The following GPLD1 variants were observed in gnomAD, a reference collection of about 807,000 sequenced individuals.
GPLD1 encodes the protein glycosylphosphatidylinositol specific phospholipase D1.
GPLD1 carries 84 observed loss-of-function variants against 112.6 expected under a neutral mutation model. The observed-to-expected ratio is 0.75, with a 90% CI of 0.63 to 0.89. The LOEUF (loss-of-function observed/expected upper bound fraction) is 0.89. Ranked by LOEUF, GPLD1 falls within the 40% of genes least tolerant of loss-of-function variation. The pLI, the probability that GPLD1 is intolerant of heterozygous loss-of-function variation, is 0.00. For synonymous variants in GPLD1, 386 were observed against 403.8 expected (o/e 0.96, Z 0.53); for missense variants, 1,044 against 1,051.5 (o/e 0.99, Z 0.10).
intron 14 of GPLD1, among the ~76,000 whole-genome samples, chr6:24,452,169 G>T (rs1386687662): frequency 1.3e-5 from 2 of 152,172 alleles, no homozygotes; most frequent in Non-Finnish European, 2.9e-5. Context: ...TCACCCAAGT[G>T]GTCTTTGAGA....
chr6:24,446,400 A>G lies in GPLD1; in HGVS notation c.1820+438T>C, dbSNP rs1201059559. ...GCACACACGACTTGTAGTCCCAGCT[A>G]TTCAGGAGGCCGAGGCAGGAGGACG... On this transcript the variant is annotated intron_variant, in intron 18 of 24. Transcript: ENST00000230036. Among the ~76,000 whole-genome samples the G allele has an allele frequency of 1.3e-5, 2 of 151,708 alleles. 1 individual carries two copies. The highest frequency in any genetic ancestry group is 4.2e-4 in the South Asian group (2 of 4,794).
chr6:24,456,282 C>A lies in GPLD1; in HGVS notation c.1148+216G>T, dbSNP rs373557659. ...GGCATGGTGGCGCGCACCTGTAACC[C>A]CAGCTACTGGGAAGCTGAGGCAGAG... On this transcript the variant is annotated intron_variant, in intron 13 of 24. Transcript: ENST00000230036. 2.6e-5 allele frequency among the ~76,000 whole-genome samples: 4 copies of A among 152,132 alleles called. No homozygotes were observed. The East Asian group carries it at 7.7e-4, about 29-fold the overall frequency.
intron 13 of GPLD1, 26 bp from the exon 14 acceptor site, chr6:24,454,227 T>C: frequency 6.4e-7 from 1 of 1,558,366 alleles, no homozygotes; most frequent in Non-Finnish European, 8.8e-7. Context: ...GGACCCACCA[T>C]GGTATGCACT....
chr6:24,456,891 G>C (rs1763285060), intron 12 of GPLD1, among the ~76,000 whole-genome samples: 1 of 152,160 alleles, frequency 6.6e-6, no homozygotes, highest in African/African-American at 2.4e-5. Flanking sequence ...AGCATGGGTA[G>C]AAAGAGTTAT....
At chr6:24,468,817 G>A (rs865978875) in intron 7 of GPLD1, among the ~76,000 whole-genome samples, 2 of 152,188 alleles carry the variant, frequency 1.3e-5, no homozygotes, top group African/African-American at 4.8e-5. Context: ...TTTATTGATT[G>A]ATGTCCCAAG....
Position 24,444,935 on chromosome 6 carries a change from G to A in GPLD1, c.2020+611C>T, listed in dbSNP as rs181295503. The stretch of plus-strand genomic sequence containing the variant: ...ATTTTTCTCTGGCTCCAAGTTCCAT[G>A]GGATAGGGGCTTTAAAAATACACTA... On this transcript the variant is annotated intron_variant, in intron 20 of 24. Transcript: ENST00000230036. 2.1e-3 allele frequency among the ~76,000 whole-genome samples: 311 copies of A among 145,654 alleles called. 2 individuals are homozygous for A. The highest frequency in any genetic ancestry group is 0.012 in the Admixed American group (167 of 14,442).
chr6:24,467,301 T>A, intron 7 of GPLD1, 27 bp from the exon 8 acceptor site: 1 of 1,210,982 alleles, frequency 8.3e-7, no homozygotes. Context: ...AAAGTAAGAG[T>A]TGTTTTGATT....
chr6:24,440,874 A>C (rs919187066), intron 20 of GPLD1, among the ~76,000 whole-genome samples: 4 of 152,246 alleles, frequency 2.6e-5, no homozygotes, highest in African/African-American at 9.6e-5. Context: ...TTTAAATCTG[A>C]TTCTTTTCAC....
Position 24,462,804 on chromosome 6 carries a change from A to G in GPLD1, c.822-9T>C. On this transcript the variant is annotated splice_polypyrimidine_tract_variant and intron_variant, in intron 10 of 24. Transcript: ENST00000230036. ...CAGGCAGGTTGCAGTCACTGAGGAA[A>G]CAGTCAAATGAGTTAGCCATTTATC... The G allele has an allele frequency of 1.2e-6, 2 of 1,602,124 alleles. No individual in the cohort carries two copies.
chr6:24,458,794 CT>C (rs1349685979), intron 12 of GPLD1, among the ~76,000 whole-genome samples: 1 of 151,928 alleles, frequency 6.6e-6, no homozygotes, highest in Non-Finnish European at 1.5e-5. Context: ...CAGGGAATTG[CT>C]TGAACCCGGG....
chr6:24,477,912 C>A (rs2127364915), intron 3 of GPLD1, among the ~76,000 whole-genome samples: 1 of 152,204 alleles, frequency 6.6e-6, no homozygotes, highest in Non-Finnish European at 1.5e-5. Context: ...GCAAAAAAAC[C>A]TAAGTGGAAT....
In GPLD1 at chr6:24,489,504, G is replaced by A. The variant is rs1764494490; in HGVS notation, c.8C>T (p.Ala3Val). 1 of 1,613,922 alleles carries A rather than the reference G, an allele frequency of 6.2e-7. No homozygotes were observed. Among genetic ancestry groups the A allele is most frequent in the South Asian group, 1.1e-5 (1 of 91,080 alleles). The change falls in exon 1 of 25, where the codon GCT (alanine) becomes GTT (valine). Residue 3 changes from alanine (A) to valine (V), a missense_variant. Coordinates refer to ENST00000230036, the MANE Select transcript of GPLD1 (RefSeq NM_001503.4). Reference protein sequence around the residue: MSAFRLWPGLLIM... With the variant: MSVFRLWPGLLIM... ...CAGCAGGCCAGGCCACAACCTGAAA[G>A]CAGACATGATCTCATTGCCCACCGG...
In GPLD1 at chr6:24,468,358, C is replaced by T. The variant is rs559267464; in HGVS notation, c.546-1084G>A. 6.6e-5 allele frequency among the ~76,000 whole-genome samples: 10 copies of T among 152,316 alleles called. No homozygotes were observed. In the East Asian group the frequency reaches 1.3e-3, roughly 21 times the overall value. Reference sequence around the variant, plus strand: ...CCTGAGACAAATGTATATCTGATTGCTTCCTTTGCCTAATTGTTTCACTAA... The same window carrying T: ...CCTGAGACAAATGTATATCTGATTGTTTCCTTTGCCTAATTGTTTCACTAA... On this transcript the variant is annotated intron_variant, in intron 7 of 24. Transcript: ENST00000230036.
Position 24,476,298 on chromosome 6 carries a change from GCT to G in GPLD1, c.233-22_233-21del. On this transcript the variant is annotated intron_variant, in intron 3 of 24. Transcript: ENST00000230036. ...ATTTTCCTGACAAAACAAAAGCAGG[GCT>G]CTAGATTCTCTCTTAAAAGTTGGAG... 7.9e-7 allele frequency: 1 copy of G among 1,269,064 alleles called. No homozygotes were observed. Among genetic ancestry groups the G allele is most frequent in the Non-Finnish European group, 1.1e-6 (1 of 888,450 alleles). The allele number at this position is 1,269,064 out of a possible 1,614,324, so 78.6% of individuals were successfully genotyped here.
chr6:24,466,614 G>A, intron 10 of GPLD1, 66 bp downstream of exon 10: 1 of 1,331,206 alleles, frequency 7.5e-7, no homozygotes, highest in Non-Finnish European at 1.1e-6. Context: ...AAACCTGAGA[G>A]TTATGTTGGG....
rs563779013 is a variant in GPLD1, at chr6:24,440,729, A to G, written c.2021-3440T>C. 6.6e-3 allele frequency among the ~76,000 whole-genome samples: 1,007 copies of G among 151,836 alleles called. 15 individuals carry two copies. The highest frequency in any genetic ancestry group is 0.022 in the African/African-American group (905 of 41,476). On this transcript the variant is annotated intron_variant, in intron 20 of 24. Transcript: ENST00000230036. ...ATAGCAAGACTCCAACTATTAAAAA[A>G]AAAAAAAAAAGCATAAAGAAGAAAA...
At position 24,433,193 on chromosome 6, in the gene GPLD1, C is replaced by T. The variant is rs374458362; in HGVS notation, c.2430G>A (p.Lys810=). 6.2e-7 allele frequency: 1 copy of T among 1,610,618 alleles called. No individual in the cohort carries two copies. Among genetic ancestry groups the T allele is most frequent in the Non-Finnish European group, 8.5e-7 (1 of 1,176,892 alleles). ...FGSSLITVRS[K]AKNQVVIAAG... ...GTTCAGTCCTTGGGCTCACCTTTGC[C>T]TTGGACCTCACGGTGATGAGGGAGC... The change falls in exon 24 of 25, where the codon AAG becomes AAA. Residue 810 remains lysine (K), a synonymous_variant. Coordinates refer to ENST00000230036, the MANE Select transcript of GPLD1 (RefSeq NM_001503.4).
chr6:24,481,850 G>C (rs959092089), intron 2 of GPLD1, among the ~76,000 whole-genome samples: 2 of 152,004 alleles, frequency 1.3e-5, no homozygotes, highest in African/African-American at 4.8e-5. Context: ...AGCTTGAGTT[G>C]GACTTTTTTC....
At chr6:24,439,983 A>G (rs767568849) in intron 20 of GPLD1, among the ~76,000 whole-genome samples, 5 of 152,088 alleles carry the variant, frequency 3.3e-5, no homozygotes, top group Non-Finnish European at 7.4e-5. Context: ...GGTGGTGGGT[A>G]TTTTTTAAAT....
Sources: gnomAD v4.1 joint callset for allele counts (sites outside exome capture counted in the v4.1 genomes callset) on GRCh38, gnomAD v4.1.1 for gene constraint, MANE v1.5 for transcripts, NCBI Gene and HGNC (gene_info 2026-07-23, HGNC 2026-07-21) for gene names.